CCL28: variants seen among roughly 807,000 people sequenced by gnomAD.
CCL28 encodes the protein C-C motif chemokine ligand 28, also known as C-C motif chemokine 28.
Under a neutral mutation model 7.1 loss-of-function variants are expected in CCL28, and 4 were observed. The observed-to-expected ratio is 0.56, with a 90% CI of 0.28 to 1.29. The LOEUF is 1.29. CCL28 is among the 50% of genes most tolerant of loss of function. CCL28 has a pLI of 0.11. For synonymous variants in CCL28, 55 were observed against 57.8 expected (o/e 0.95, Z 0.22); for missense variants, 151 against 163.4 (o/e 0.92, Z 0.41).
intron 2 of CCL28, among the ~76,000 whole-genome samples, chr5:43,382,521 C>A (rs566968385): frequency 1.3e-5 from 2 of 152,148 alleles, no homozygotes; most frequent in Non-Finnish European, 2.9e-5. Flanking sequence ...CGTCTTTTTT[C>A]CCCTCTGATT....
At chr5:43,375,230 C>A (rs1296292444), downstream of CCL28, among the ~76,000 whole-genome samples, 2 of 151,634 alleles carry the variant, frequency 1.3e-5, no homozygotes, top group Non-Finnish European at 2.9e-5. Flanking sequence ...ACCTCGTGAT[C>A]CACCCACCAC....
At position 43,388,335 on chromosome 5, in the gene CCL28, C is replaced by G. The variant is rs1230047699; in HGVS notation, c.191+15G>C. 1 of 1,613,866 alleles carries G rather than the reference C, an allele frequency of 6.2e-7. No individual in the cohort carries two copies. Among genetic ancestry groups the G allele is most frequent in the South Asian group, 1.1e-5 (1 of 91,044 alleles). ...CACTGTGCAGGTTTAGACCTCCCGG[C>G]TGATGAGCACTCACATGACAGCAGC... On this transcript the variant is annotated intron_variant, in intron 2 of 2. Transcript: ENST00000361115.
At chr5:43,410,392 T>C (rs933601558) in intron 1 of CCL28, among the ~76,000 whole-genome samples, 1 of 152,188 alleles carries the variant, frequency 6.6e-6, no homozygotes, top group Non-Finnish European at 1.5e-5. Context: ...ATGACAGAAG[T>C]TTGGAGCTTC....
chr5:43,373,388 C>A (rs573423364), downstream of CCL28, among the ~76,000 whole-genome samples: 2 of 151,950 alleles, frequency 1.3e-5, no homozygotes, highest in South Asian at 4.1e-4. Flanking sequence ...GCAACCTCCG[C>A]CTCCCTGGTT....
At chr5:43,392,681 T>C (rs868271918) in intron 1 of CCL28, among the ~76,000 whole-genome samples, 2 of 152,202 alleles carry the variant, frequency 1.3e-5, no homozygotes, top group South Asian at 4.1e-4. Flanking sequence ...ATGTTGCCAA[T>C]CTGATGGGGT....
chr5:43,360,686 T>A, the CCL28 span, among the ~76,000 whole-genome samples: 1 of 152,220 alleles, frequency 6.6e-6, no homozygotes, highest in African/African-American at 2.4e-5. Context: ...TTAGTGATAT[T>A]AAGCTTTTTT....
rs532670955 is a variant in CCL28 at position 43,381,781 on chromosome 5, A to C, written c.*79T>G. On this transcript the variant is annotated 3_prime_UTR_variant, in exon 3 of 3. Transcript: ENST00000361115. Reference sequence around the variant, plus strand: ...TTGTTCTGTTGTCTACAATAAGGAGAATTCAGATGATAAACTTACAACCAA... The same window carrying C: ...TTGTTCTGTTGTCTACAATAAGGAGCATTCAGATGATAAACTTACAACCAA... 8.4e-7 allele frequency: 1 copy of C among 1,186,418 alleles called. No individual in the cohort carries two copies. The highest frequency in any genetic ancestry group is 1.5e-5 in the South Asian group (1 of 68,352). The allele number at this position is 1,186,418 out of a possible 1,614,324, so 73.5% of individuals were successfully genotyped here.
intron 1 of CCL28, among the ~76,000 whole-genome samples, chr5:43,391,413 C>T (rs1373787545): frequency 2.6e-5 from 4 of 152,142 alleles, no homozygotes; most frequent in Non-Finnish European, 4.4e-5. Flanking sequence ...AGTTCAGTAA[C>T]CTCTTTCTAT....
At chr5:43,400,991 G>A (rs1741004922) in intron 1 of CCL28, among the ~76,000 whole-genome samples, 1 of 151,478 alleles carries the variant, frequency 6.6e-6, no homozygotes, top group Admixed American at 6.6e-5. Flanking sequence ...GCTGAGACAG[G>A]AGAATCACTT....
chr5:43,366,014 A>G, the CCL28 span, among the ~76,000 whole-genome samples: 3 of 152,256 alleles, frequency 2.0e-5, no homozygotes, highest in East Asian at 5.8e-4. Context: ...CAGCTCCTTC[A>G]GGTCATTTAT....
In CCL28 at chr5:43,402,220, T is replaced by C. The variant is rs547402625; in HGVS notation, c.64+10033A>G. Reference sequence around the variant, plus strand: ...GATTTGTTTTAGCCCTTGGAATATCTGCTTTTCCTACATTCCTTAAAATTC... The same window carrying C: ...GATTTGTTTTAGCCCTTGGAATATCCGCTTTTCCTACATTCCTTAAAATTC... On this transcript the variant is annotated intron_variant, in intron 1 of 2. Transcript: ENST00000361115. Among the ~76,000 whole-genome samples the C allele has an allele frequency of 2.0e-5, 3 of 152,372 alleles. No homozygotes were observed. In the South Asian group the frequency reaches 6.2e-4, roughly 32 times the overall value.
At chr5:43,363,386 G>A in the CCL28 span, among the ~76,000 whole-genome samples, 2 of 150,558 alleles carry the variant, frequency 1.3e-5, no homozygotes, top group African/African-American at 5.0e-5. Context: ...TAATACCACA[G>A]TTCAGTAGAT....
chr5:43,390,404 C>A lies in CCL28; in HGVS notation c.65-1928G>T, dbSNP rs148129486. 4.9e-3 allele frequency among the ~76,000 whole-genome samples: 752 copies of A among 152,288 alleles called. 10 individuals are homozygous for A. The highest frequency in any genetic ancestry group is 0.016 in the African/African-American group (649 of 41,558). On this transcript the variant is annotated intron_variant, in intron 1 of 2. Transcript: ENST00000361115. The stretch of plus-strand genomic sequence containing the variant: ...AGCGGAGTCCAGAGGTATGAATGAG[C>A]AAGGATCTGAGGTATAATGCAAGAC...
At chr5:43,392,663 G>A (rs1181357571) in intron 1 of CCL28, among the ~76,000 whole-genome samples, 3 of 152,114 alleles carry the variant, frequency 2.0e-5, no homozygotes, top group African/African-American at 4.8e-5. Context: ...TCATAATGTC[G>A]TTTTAAAATG....
chr5:43,403,228 AC>A (rs1168225336), intron 1 of CCL28, among the ~76,000 whole-genome samples: 1 of 152,124 alleles, frequency 6.6e-6, no homozygotes, highest in Non-Finnish European at 1.5e-5. Flanking sequence ...TGGGTCCCTG[AC>A]CCCTGAGTAG....
intron 2 of CCL28, 85 bp from the exon 3 acceptor site, chr5:43,382,137 T>C: frequency 1.7e-6 from 2 of 1,192,434 alleles, no homozygotes; most frequent in Non-Finnish European, 2.4e-6. Flanking sequence ...GCTCCCACTT[T>C]GGGACACTGT....
At chr5:43,367,775 T>C in the CCL28 span, among the ~76,000 whole-genome samples, 1 of 152,232 alleles carries the variant, frequency 6.6e-6, no homozygotes, top group Non-Finnish European at 1.5e-5. Context: ...TCTGCATTGA[T>C]CTTGCTGGGA....
chr5:43,361,902 G>A, the CCL28 span, among the ~76,000 whole-genome samples: 8 of 151,230 alleles, frequency 5.3e-5, no homozygotes, highest in South Asian at 2.1e-4. Flanking sequence ...TATTGTAGCC[G>A]TGTAGTATAG....
chr5:43,364,558 A>G, the CCL28 span, among the ~76,000 whole-genome samples: 1 of 152,190 alleles, frequency 6.6e-6, no homozygotes, highest in African/African-American at 2.4e-5. Context: ...GCCTTATGGT[A>G]TATTAATCTC....
Sources: gnomAD v4.1 joint callset for allele counts (sites outside exome capture counted in the v4.1 genomes callset) on GRCh38, gnomAD v4.1.1 for gene constraint, MANE v1.5 for transcripts, NCBI Gene and HGNC (gene_info 2026-07-23, HGNC 2026-07-21) for gene names.